The following TUSC3 variants were observed in gnomAD, a reference collection of about 807,000 sequenced individuals.
TUSC3 encodes tumor suppressor candidate 3, also known as dolichyl-diphosphooligosaccharide--protein glycosyltransferase subunit TUSC3.
In TUSC3, 45 loss-of-function variants were observed where a neutral mutation model predicts 44.8. The ratio of observed to expected loss-of-function variants is 1.00; its 90% confidence interval spans 0.79 to 1.29. The LOEUF is 1.29. Ranked by LOEUF, TUSC3 falls within the 50% of genes most tolerant of loss-of-function variation. The pLI is 0.00. For synonymous variants in TUSC3, 212 were observed against 152.9 expected (o/e 1.39, Z -2.85); for missense variants, 519 against 437.9 (o/e 1.19, Z -1.65).
At chr8:15,509,964 G>A (rs931961145) in intron 2 of TUSC3, among the ~76,000 whole-genome samples, 1 of 152,144 alleles carries the variant, frequency 6.6e-6, no homozygotes, top group African/African-American at 2.4e-5. Flanking sequence ...GGGGCCAAGA[G>A]TTTGAGAGCA....
intron 1 of TUSC3, among the ~76,000 whole-genome samples, chr8:15,461,208 G>T (rs1397701958): frequency 6.6e-6 from 1 of 152,024 alleles, no homozygotes; most frequent in African/African-American, 2.4e-5. Context: ...TTTCAGCATT[G>T]TTTTGTAGTT....
chr8:15,497,454 A>G (rs1048731958), intron 2 of TUSC3, among the ~76,000 whole-genome samples: 1 of 152,182 alleles, frequency 6.6e-6, no homozygotes, highest in Non-Finnish European at 1.5e-5. Context: ...TAGATTCCAG[A>G]ACTAAGGGAG....
chr8:15,812,138 G>T, the TUSC3 span, among the ~76,000 whole-genome samples: 1 of 152,186 alleles, frequency 6.6e-6, no homozygotes, highest in Non-Finnish European at 1.5e-5. Context: ...TTGTCAGCAG[G>T]CATTAAAGTG....
chr8:15,508,394 G>C (rs1801086632), intron 2 of TUSC3, among the ~76,000 whole-genome samples: 1 of 150,242 alleles, frequency 6.7e-6, no homozygotes, highest in Non-Finnish European at 1.5e-5. Context: ...AAGGACATTG[G>C]ATTTAGAGAG....
intron 6 of TUSC3, among the ~76,000 whole-genome samples, chr8:15,713,604 C>G (rs975265501): frequency 2.6e-5 from 4 of 152,080 alleles, no homozygotes; most frequent in African/African-American, 7.2e-5. Flanking sequence ...CAGGAGTCAG[C>G]AGGGCGAGTT....
the TUSC3 span, among the ~76,000 whole-genome samples, chr8:15,829,081 C>A: frequency 3.3e-3 from 495 of 152,230 alleles, 2 homozygotes; most frequent in African/African-American, 0.011. Flanking sequence ...CTCATACTTA[C>A]CCACTTCTCT....
At chr8:15,645,061 A>G (rs1029734338) in intron 2 of TUSC3, among the ~76,000 whole-genome samples, 23 of 152,136 alleles carry the variant, frequency 1.5e-4, no homozygotes, top group African/African-American at 5.3e-4. Flanking sequence ...ATAGTCTCAT[A>G]TGTTTTCCCA....
At chr8:15,741,438 G>A (rs993475544) in intron 7 of TUSC3, among the ~76,000 whole-genome samples, 1 of 152,156 alleles carries the variant, frequency 6.6e-6, no homozygotes, top group Non-Finnish European at 1.5e-5. Flanking sequence ...GCTGGGCGCG[G>A]TGGCTCACAA....
chr8:15,689,858 G>A (rs1442654151), intron 6 of TUSC3, among the ~76,000 whole-genome samples: 54 of 53,556 alleles, frequency 1.0e-3, no homozygotes, highest in African/African-American at 3.0e-3. Context: ...GTGTGTGTGT[G>A]TGTGTATAAA....
intron 1 of TUSC3, among the ~76,000 whole-genome samples, chr8:15,468,378 A>G (rs1277052057): frequency 6.6e-6 from 1 of 152,168 alleles, no homozygotes; most frequent in East Asian, 1.9e-4. Context: ...ACTGAGGCAG[A>G]TGGATGAAGT....
the TUSC3 span, among the ~76,000 whole-genome samples, chr8:15,789,280 T>G: frequency 1.3e-5 from 2 of 152,192 alleles, no homozygotes; most frequent in Non-Finnish European, 1.5e-5. Flanking sequence ...TACCGTAATA[T>G]GGATCTGATA....
At chr8:15,780,810 TCTC>T in the TUSC3 span, among the ~76,000 whole-genome samples, 305 of 152,234 alleles carry the variant, frequency 2.0e-3, 2 homozygotes, top group African/African-American at 7.0e-3. Context: ...GCATGCTAAA[TCTC>T]CTAGCTCTAG....
chr8:15,568,755 C>G (rs541631090), intron 1 of TUSC3, among the ~76,000 whole-genome samples: 1 of 151,702 alleles, frequency 6.6e-6, no homozygotes, highest in African/African-American at 2.4e-5. Flanking sequence ...GTGCCTGCCA[C>G]CACACATGGC....
At chr8:15,836,704 A>C in the TUSC3 span, among the ~76,000 whole-genome samples, 3 of 152,006 alleles carry the variant, frequency 2.0e-5, no homozygotes, top group African/African-American at 7.2e-5. Flanking sequence ...TAAATAATCA[A>C]ATTTTAGTTC....
chr8:15,438,615 T>C (rs555210729), intron 1 of TUSC3, among the ~76,000 whole-genome samples: 1 of 152,138 alleles, frequency 6.6e-6, no homozygotes, highest in South Asian at 2.1e-4. Flanking sequence ...GCAAAGATGG[T>C]TTCATCTGTA....
At chr8:15,517,728 T>C (rs1801238903) in intron 2 of TUSC3, among the ~76,000 whole-genome samples, 1 of 152,022 alleles carries the variant, frequency 6.6e-6, no homozygotes, top group Non-Finnish European at 1.5e-5. Context: ...ATAGTTCACT[T>C]CAATTACATA....
At chr8:15,729,852 A>G (rs1035667369) in intron 6 of TUSC3, among the ~76,000 whole-genome samples, 1 of 152,070 alleles carries the variant, frequency 6.6e-6, no homozygotes, top group Non-Finnish European at 1.5e-5. Context: ...GTACCCCCTG[A>G]AAAAGTTTGA....
intron 1 of TUSC3, among the ~76,000 whole-genome samples, chr8:15,573,969 A>C (rs1802992362): frequency 6.6e-6 from 1 of 152,118 alleles, no homozygotes; most frequent in African/African-American, 2.4e-5. Context: ...TGACTAAACC[A>C]GTCCTTTTCT....
chr8:15,590,051 C>A (rs964853482), intron 1 of TUSC3, among the ~76,000 whole-genome samples: 1 of 152,140 alleles, frequency 6.6e-6, no homozygotes, highest in African/African-American at 2.4e-5. Context: ...TTAGGCCCCA[C>A]TCTATTAATA....
Sources: gnomAD v4.1 joint callset for allele counts (sites outside exome capture counted in the v4.1 genomes callset) on GRCh38, gnomAD v4.1.1 for gene constraint, MANE v1.5 for transcripts, NCBI Gene and HGNC (gene_info 2026-07-23, HGNC 2026-07-21) for gene names.